The following ACO2 variants were observed in gnomAD, a reference collection of about 807,000 sequenced individuals.
The protein encoded by ACO2 is aconitate hydratase, mitochondrial.
A neutral mutation model predicts 84.5 loss-of-function variants in ACO2; 31 were observed. The observed-to-expected ratio is 0.37, with a 90% CI of 0.28 to 0.50. The LOEUF (loss-of-function observed/expected upper bound fraction) is 0.50, where lower values mean the gene tolerates loss of function less well. Ranked by LOEUF, ACO2 falls within the 20% of genes least tolerant of loss-of-function variation. ACO2 has a pLI of 0.97. For synonymous variants in ACO2, 414 were observed against 412.7 expected, an observed-to-expected ratio of 1.00 and a Z score of -0.04; for missense variants, 685 against 1,029.3, an observed-to-expected ratio of 0.67 and a Z score of 4.58.
At chr22:41,511,587 G>A (rs2066433329) in intron 3 of ACO2, among the ~76,000 whole-genome samples, 2 of 152,250 alleles carry the variant, frequency 1.3e-5, no homozygotes, top group African/African-American at 4.8e-5. Context: ...AGGAAACTGA[G>A]ACCCAGACCA....
intron 12 of ACO2, 128 bp from the exon 13 acceptor site, chr22:41,524,718 A>G (rs1046752991): frequency 1.4e-6 from 2 of 1,444,100 alleles, no homozygotes; most frequent in African/African-American, 1.4e-5. Flanking sequence ...TCTGAGGAAC[A>G]CAGGGGTCTG....
intron 2 of ACO2, among the ~76,000 whole-genome samples, chr22:41,500,794 C>G (rs1335129880): frequency 6.6e-6 from 1 of 152,110 alleles, no homozygotes; most frequent in Admixed American, 6.6e-5. Flanking sequence ...ACCTCCGCCC[C>G]CCAGGTTCCA....
At chr22:41,496,385 TG>T (rs1266532332) in intron 1 of ACO2, among the ~76,000 whole-genome samples, 5 of 151,754 alleles carry the variant, frequency 3.3e-5, no homozygotes, top group Admixed American at 2.0e-4. Flanking sequence ...TAGAACATGG[TG>T]GGGGTAGCTG....
At position 41,518,542 on chromosome 22, in the gene ACO2, T is replaced by C; in HGVS notation, c.1002T>C (p.Tyr334=). The change falls in exon 8 of 18, where the codon TAT becomes TAC. Residue 334 remains tyrosine, a synonymous_variant. Coordinates refer to ENST00000216254, the MANE Select transcript of ACO2 (RefSeq NM_001098.3). ...TGGTGCCTGACCCTGGCTGCCATTA[T>C]GACCAACTAATTGAAATTAACCTCA... ...DHLVPDPGCH[Y]DQLIEINLSE... The C allele has an allele frequency of 6.2e-7, 1 of 1,613,848 alleles. No individual in the cohort carries two copies. The highest frequency in any genetic ancestry group is 8.5e-7 in the Non-Finnish European group (1 of 1,179,758).
chr22:41,500,498 C>T lies in ACO2; in HGVS notation c.173+636C>T, dbSNP rs568460852. On this transcript the variant is annotated intron_variant, in intron 2 of 17. Coordinates refer to ENST00000216254, the MANE Select transcript of ACO2 (RefSeq NM_001098.3). ...CTCCCCAGTTGGAACGATTCTTGTG[C>T]CTCAGCTTCCTGAGTAGCTGCAATT... Among the ~76,000 whole-genome samples the T allele has an allele frequency of 9.1e-4, 138 of 151,674 alleles. 2 individuals carry two copies. The highest frequency in any genetic ancestry group is 2.8e-3 in the African/African-American group (117 of 41,380).
In ACO2 at chr22:41,520,183, A is replaced by G; in HGVS notation, c.1045A>G (p.Ile349Val). Residue 349 changes from isoleucine to valine, a missense_variant, in exon 9 of 18, where the codon ATC becomes GTC. By Grantham distance (29) the Ile-to-Val change is conservative. Coordinates refer to ENST00000216254, the MANE Select transcript of ACO2 (RefSeq NM_001098.3). Reference sequence around the variant, plus strand: ...TTTGTTTCTTCAGCTGAAGCCACACATCAATGGGCCCTTCACCCCTGACCT... The same window carrying G: ...TTTGTTTCTTCAGCTGAAGCCACACGTCAATGGGCCCTTCACCCCTGACCT... ...EINLSELKPH[I>V]NGPFTPDLAH... The G allele has an allele frequency of 6.2e-7, 1 of 1,612,984 alleles. No individual in the cohort carries two copies. Among genetic ancestry groups the G allele is most frequent in the Non-Finnish European group, 8.5e-7 (1 of 1,179,172 alleles).
intron 1 of ACO2, chr22:41,469,526 A>G: frequency 3.5e-6 from 1 of 286,596 alleles, no homozygotes; most frequent in Non-Finnish European, 6.5e-6. Flanking sequence ...CAAGGTGACT[A>G]GGGGGCGCGG....
chr22:41,493,983 C>T (rs537616741), intron 1 of ACO2, among the ~76,000 whole-genome samples: 12 of 152,298 alleles, frequency 7.9e-5, no homozygotes, highest in African/African-American at 2.4e-4. Context: ...TGCTTGAACC[C>T]TGGAGACAGA....
chr22:41,515,262 A>T lies in ACO2; in HGVS notation c.526-115A>T. The T allele has an allele frequency of 7.9e-7, 1 of 1,268,388 alleles. No homozygotes were observed. The highest frequency in any genetic ancestry group is 1.1e-6 in the Non-Finnish European group (1 of 878,030). The allele number at this position is 1,268,388 out of a possible 1,614,324, so 78.6% of individuals were successfully genotyped here. A position where few individuals can be genotyped will look rare whatever the true frequency, so the allele number is the denominator to read the frequency against. On this transcript the variant is annotated intron_variant, in intron 4 of 17. Transcript: ENST00000216254. This position sits in a 1 kb window ranked among gnomAD's most constrained non-coding sequence, Gnocchi z 5.8. ...TGGATTAAATGGGGCTGCTCCTACC[A>T]GTTCCATCCTGGGAGAGTGGCTGGA...
chr22:41,524,811 G>C, intron 12 of ACO2, 35 bp from the exon 13 acceptor site: 1 of 1,613,912 alleles, frequency 6.2e-7, no homozygotes, highest in Non-Finnish European at 8.5e-7. Context: ...AGTGGCAATT[G>C]GTGCTGACCA....
chr22:41,495,941 A>G (rs2066310395), intron 1 of ACO2, among the ~76,000 whole-genome samples: 1 of 152,070 alleles, frequency 6.6e-6, no homozygotes. Context: ...ACTTAGGGCA[A>G]TTAATTTGTA....
At chr22:41,526,774 G>A (rs1182007805) in intron 15 of ACO2, 3 of 351,188 alleles carry the variant, frequency 8.5e-6, no homozygotes, top group Non-Finnish European at 1.0e-5. Context: ...GGGGCTACAC[G>A]GGGCCTCACA....
chr22:41,507,008 A>AC (rs1012302555), intron 2 of ACO2, among the ~76,000 whole-genome samples: 2 of 151,588 alleles, frequency 1.3e-5, no homozygotes, highest in Admixed American at 1.3e-4. Flanking sequence ...TGTGGGGAGA[A>AC]GACGGTTGAG....
intron 1 of ACO2, among the ~76,000 whole-genome samples, chr22:41,499,368 T>A (rs910911337): frequency 6.6e-6 from 1 of 152,222 alleles, no homozygotes; most frequent in African/African-American, 2.4e-5. Flanking sequence ...TATGGTCTTA[T>A]TTAACCTTCC....
At chr22:41,500,545 C>T (rs1009431187) in intron 2 of ACO2, among the ~76,000 whole-genome samples, 1 of 151,508 alleles carries the variant, frequency 6.6e-6, no homozygotes. Context: ...CCACCACACC[C>T]GGCTGATTTT....
chr22:41,500,291 T>TTTTAATTTAA (rs1467276114), intron 2 of ACO2, among the ~76,000 whole-genome samples: 2 of 150,276 alleles, frequency 1.3e-5, no homozygotes, highest in East Asian at 1.9e-4. Context: ...GATGGGACCT[T>TTTTAATTTAA]TTTAATTTAA....
At chr22:41,527,529 G>T in intron 16 of ACO2, 109 bp downstream of exon 16, 1 of 1,422,896 alleles carries the variant, frequency 7.0e-7, no homozygotes, top group South Asian at 1.4e-5. Flanking sequence ...GTCCACTGCA[G>T]CCCACAGGCC....
chr22:41,496,351 C>A (rs932986366), intron 1 of ACO2, among the ~76,000 whole-genome samples: 1 of 152,040 alleles, frequency 6.6e-6, no homozygotes, highest in Admixed American at 6.6e-5. Context: ...TGCAGAACAA[C>A]TTGTATGGTT....
chr22:41,512,000 GCCCAAGC>G (rs1249071315), intron 4 of ACO2, 32 bp downstream of exon 4: 5 of 1,568,268 alleles, frequency 3.2e-6, no homozygotes, highest in Non-Finnish European at 4.3e-6. Flanking sequence ...CGTCCCAAGG[GCCCAAGC>G]CAGAGAAGTA....
Sources: allele counts gnomAD v4.1 joint callset (sites outside exome capture counted in the v4.1 genomes callset), GRCh38; gene constraint gnomAD v4.1.1; non-coding constraint Gnocchi (gnomAD v3.1); transcripts MANE v1.5; gene names NCBI Gene and HGNC (gene_info 2026-07-23, HGNC 2026-07-21).